Variants in PLPPR1 observed in about 807,000 individuals in gnomAD.
The protein encoded by PLPPR1 is phospholipid phosphatase related 1.
PLPPR1 carries 10 observed loss-of-function variants against 33.1 expected under a neutral mutation model. That is an observed-to-expected ratio of 0.30 (90% CI 0.19 to 0.51). PLPPR1 has a LOEUF of 0.51. Among genes scored for constraint, PLPPR1 ranks in the 20% least tolerant of loss-of-function variants. The probability of loss-of-function intolerance (pLI) is 0.97; values close to 1 mark genes in which losing one functional copy is unlikely to be tolerated. For synonymous variants in PLPPR1, 151 were observed against 151.0 expected, an observed-to-expected ratio of 1.00 and a Z score of 0.00; for missense variants, 304 against 408.1, an observed-to-expected ratio of 0.74 and a Z score of 2.20.
chr9:101,111,135 C>T (rs1358198893), intron 1 of PLPPR1, among the ~76,000 whole-genome samples: 2 of 152,070 alleles, frequency 1.3e-5, no homozygotes, highest in African/African-American at 2.4e-5. Flanking sequence ...CAAAACATGA[C>T]TAGCGGTGGG....
intron 2 of PLPPR1, among the ~76,000 whole-genome samples, chr9:101,206,181 C>T (rs1231089246): frequency 2.6e-5 from 4 of 152,160 alleles, no homozygotes; most frequent in East Asian, 3.9e-4. Flanking sequence ...GTAATGATTT[C>T]GGGAGGCATT....
At chr9:101,155,333 T>C (rs1207193991) in intron 1 of PLPPR1, among the ~76,000 whole-genome samples, 1 of 152,172 alleles carries the variant, frequency 6.6e-6, no homozygotes, top group Non-Finnish European at 1.5e-5. Flanking sequence ...GATTTATTTC[T>C]TGCAGTTACA....
intron 1 of PLPPR1, among the ~76,000 whole-genome samples, chr9:101,168,058 C>T (rs1182238420): frequency 1.3e-5 from 2 of 152,078 alleles, no homozygotes; most frequent in African/African-American, 4.8e-5. Context: ...TGGGAAAGAC[C>T]TGCCCCTATG....
intron 2 of PLPPR1, among the ~76,000 whole-genome samples, chr9:101,191,610 A>G (rs765445531): frequency 2.4e-4 from 37 of 152,334 alleles, no homozygotes; most frequent in Middle Eastern, 3.4e-3. Flanking sequence ...AAAAACAGGA[A>G]TGTAAACTTC....
intron 1 of PLPPR1, among the ~76,000 whole-genome samples, chr9:101,034,345 T>C (rs1829984167): frequency 6.6e-6 from 1 of 152,144 alleles, no homozygotes. Context: ...ATGAGTCCTC[T>C]AAAACTCAGA....
chr9:101,224,078 A>T (rs1428431376), intron 2 of PLPPR1, among the ~76,000 whole-genome samples: 1 of 152,150 alleles, frequency 6.6e-6, no homozygotes, highest in Non-Finnish European at 1.5e-5. Flanking sequence ...TGGAATAACA[A>T]GCCCTCAAGC....
At chr9:101,303,148 T>C (rs1828783794) in intron 4 of PLPPR1, among the ~76,000 whole-genome samples, 1 of 148,442 alleles carries the variant, frequency 6.7e-6, no homozygotes, top group African/African-American at 2.5e-5. Context: ...CACCACCGGC[T>C]AATTTTTGTA....
intron 1 of PLPPR1, among the ~76,000 whole-genome samples, chr9:101,111,964 G>T (rs1022554460): frequency 6.6e-6 from 1 of 152,132 alleles, no homozygotes; most frequent in African/African-American, 2.4e-5. Flanking sequence ...CGTTGCTTCA[G>T]CCTCACCTCC....
At chr9:101,187,588 G>A (rs1826226183) in intron 2 of PLPPR1, 2 of 151,928 alleles carry the variant, frequency 1.3e-5, no homozygotes, top group African/African-American at 4.8e-5. Context: ...TGGGAAGGAG[G>A]TGAATCTCAA....
intron 2 of PLPPR1, among the ~76,000 whole-genome samples, chr9:101,229,038 C>A (rs923788131): frequency 6.6e-6 from 1 of 151,202 alleles, no homozygotes; most frequent in East Asian, 2.0e-4. Context: ...CTATGACCTG[C>A]CTTGTTCAAA....
intron 1 of PLPPR1, among the ~76,000 whole-genome samples, chr9:101,088,453 C>G (rs887543575): frequency 6.6e-6 from 1 of 151,900 alleles, no homozygotes; most frequent in Non-Finnish European, 1.5e-5. Context: ...ACGACTGTCT[C>G]CTCTCTATTT....
chr9:101,208,073 T>C (rs1826621790), intron 2 of PLPPR1, among the ~76,000 whole-genome samples: 1 of 152,178 alleles, frequency 6.6e-6, no homozygotes. Context: ...AGCTCCCCCT[T>C]AAAAGGGAGC....
chr9:101,289,718 TG>T (rs1430593598), intron 4 of PLPPR1, among the ~76,000 whole-genome samples: 2 of 152,234 alleles, frequency 1.3e-5, no homozygotes, highest in Non-Finnish European at 2.9e-5. Context: ...TGCTCCTCCT[TG>T]CCTTCTGCCA....
intron 1 of PLPPR1, among the ~76,000 whole-genome samples, chr9:101,170,937 C>G (rs1371134491): frequency 6.6e-6 from 1 of 151,902 alleles, no homozygotes; most frequent in African/African-American, 2.4e-5. Context: ...AAGATCCTGT[C>G]TCTTAAAAAA....
intron 1 of PLPPR1, among the ~76,000 whole-genome samples, chr9:101,142,391 G>T (rs772508291): frequency 6.6e-6 from 1 of 152,184 alleles, no homozygotes; most frequent in African/African-American, 2.4e-5. Context: ...AGCCAGGACA[G>T]CTAGGCTTGT....
At chr9:101,174,729 T>A (rs77223437) in intron 1 of PLPPR1, among the ~76,000 whole-genome samples, 1 of 152,144 alleles carries the variant, frequency 6.6e-6, no homozygotes, top group Admixed American at 6.5e-5. Context: ...AGGAAAGAAA[T>A]TATGTAGAAA....
intron 4 of PLPPR1, among the ~76,000 whole-genome samples, chr9:101,302,083 C>T (rs1828764446): frequency 6.6e-6 from 1 of 152,168 alleles, no homozygotes; most frequent in Admixed American, 6.5e-5. Flanking sequence ...AACCCAAGCT[C>T]CTCTACTCAC....
At chr9:101,142,268 A>G (rs1309344696) in intron 1 of PLPPR1, among the ~76,000 whole-genome samples, 1 of 152,200 alleles carries the variant, frequency 6.6e-6, no homozygotes, top group Non-Finnish European at 1.5e-5. Flanking sequence ...ATTAACCATT[A>G]TACCATTCTG....
Position 101,047,185 on chromosome 9 carries a change from C to T in PLPPR1, c.-46+18083C>T, listed in dbSNP as rs947759034. Among the ~76,000 whole-genome samples, 3 of 152,196 alleles carry T rather than the reference C, an allele frequency of 2.0e-5. No homozygotes were observed. The South Asian group carries it at 6.2e-4, about 32-fold the overall frequency. Reference sequence around the variant, plus strand: ...TAGTTTTTTGAGTCTTATTTTTACTCTGAGATTCCCCTCCTCTCATATACA... The same window carrying T: ...TAGTTTTTTGAGTCTTATTTTTACTTTGAGATTCCCCTCCTCTCATATACA... On this transcript the variant is annotated intron_variant, in intron 1 of 7. Transcript: ENST00000374874.
Sources: allele counts gnomAD v4.1 joint callset (sites outside exome capture counted in the v4.1 genomes callset), GRCh38; gene constraint gnomAD v4.1.1; transcripts MANE v1.5; gene names NCBI Gene and HGNC (gene_info 2026-07-23, HGNC 2026-07-21).